The following COL5A2 variants were observed in gnomAD, a reference collection of about 807,000 sequenced individuals.
COL5A2 encodes the protein collagen alpha-2(V) chain.
In COL5A2, 23 loss-of-function variants were observed where a neutral mutation model predicts 208.2. The observed-to-expected ratio is 0.11, with a 90% confidence interval of 0.08 to 0.16. COL5A2 has a LOEUF of 0.16. Ranked by LOEUF, COL5A2 falls within the 10% of genes least tolerant of loss-of-function variation. The pLI, the probability that COL5A2 is intolerant of heterozygous loss-of-function variation, is 1.00. For missense variants in COL5A2, 1,590 were observed against 1,956.4 expected, an observed-to-expected ratio of 0.81 and a Z score of 3.53; for synonymous variants, 625 against 628.5, an observed-to-expected ratio of 0.99 and a Z score of 0.08.
At chr2:189,435,579 A>C in the COL5A2 span, among the ~76,000 whole-genome samples, 1 of 152,198 alleles carries the variant, frequency 6.6e-6, no homozygotes, top group Non-Finnish European at 1.5e-5. Flanking sequence ...TGAAAAAATG[A>C]TCACCATCAC....
chr2:189,246,019 T>C, the COL5A2 span, among the ~76,000 whole-genome samples: 1 of 152,222 alleles, frequency 6.6e-6, no homozygotes, highest in African/African-American at 2.4e-5. Context: ...TTGTTGACAT[T>C]GTCAATTTTA....
chr2:189,403,357 G>C, the COL5A2 span, among the ~76,000 whole-genome samples: 10 of 152,182 alleles, frequency 6.6e-5, no homozygotes, highest in Admixed American at 5.9e-4. Flanking sequence ...ATCTGCAAAT[G>C]GTGATACTTT....
chr2:189,037,903 T>C (rs1006871020), intron 51 of COL5A2, among the ~76,000 whole-genome samples: 3 of 152,218 alleles, frequency 2.0e-5, no homozygotes, highest in Non-Finnish European at 2.9e-5. Context: ...GCAAGCATTT[T>C]CCACATTTCC....
At chr2:189,298,646 A>G in the COL5A2 span, among the ~76,000 whole-genome samples, 3 of 152,334 alleles carry the variant, frequency 2.0e-5, no homozygotes, top group Middle Eastern at 0.01. Flanking sequence ...ACACTGGCTA[A>G]GCAGACATTC....
chr2:189,303,920 A>G, the COL5A2 span, among the ~76,000 whole-genome samples: 4 of 152,240 alleles, frequency 2.6e-5, no homozygotes, highest in East Asian at 7.7e-4. Context: ...TTCTTTGCTC[A>G]ATAAAACTCC....
At chr2:189,193,798 T>G (rs943054916) in intron 1 of COL5A2, among the ~76,000 whole-genome samples, 1 of 152,194 alleles carries the variant, frequency 6.6e-6, no homozygotes, top group Non-Finnish European at 1.5e-5. Flanking sequence ...GATTCTTCCT[T>G]TTCCAGCTAC....
chr2:189,295,093 G>A, the COL5A2 span, among the ~76,000 whole-genome samples: 1 of 152,134 alleles, frequency 6.6e-6, no homozygotes, highest in Admixed American at 6.5e-5. Context: ...ACAGGTGTGA[G>A]CCACCACACC....
chr2:189,088,867 T>G, intron 7 of COL5A2, 95 bp from the exon 8 acceptor site: 5 of 943,184 alleles, frequency 5.3e-6, no homozygotes, highest in African/African-American at 1.6e-5. Context: ...AGAATTCTTA[T>G]AGAATGACTC....
intron 1 of COL5A2, among the ~76,000 whole-genome samples, chr2:189,140,974 C>T (rs1687923400): frequency 6.6e-6 from 1 of 152,110 alleles, no homozygotes. Flanking sequence ...CTAAAATTTT[C>T]ACCTTGCCCA....
At chr2:189,245,481 AAT>A in the COL5A2 span, among the ~76,000 whole-genome samples, 7 of 123,610 alleles carry the variant, frequency 5.7e-5, no homozygotes, top group East Asian at 2.7e-4. Flanking sequence ...GTATACTCAA[AAT>A]TTTTTTTTTT....
Position 189,039,284 on chromosome 2 carries a change from C to A in COL5A2, c.3913G>T (p.Ala1305Ser), listed in dbSNP as rs372897632. The change falls in exon 51 of 54, where the codon GCA becomes TCA. Residue 1305 changes from alanine to serine, a missense_variant. Transcript: ENST00000374866. ...GCTGTCTACTCACCACTCTGCTTTG[C>A]GGAATGGCAAAGCTTTAGGTCATCA... ...TCDDLKLCHSAKQSGEYWIDP... is the reference protein window; with the variant it reads ...TCDDLKLCHSSKQSGEYWIDP... 1.9e-6 allele frequency: 3 copies of A among 1,613,902 alleles called. No homozygotes were observed. The highest frequency in any genetic ancestry group is 2.2e-5 in the South Asian group (2 of 91,076).
chr2:189,062,061 C>G (rs1184735340), intron 29 of COL5A2, among the ~76,000 whole-genome samples: 4 of 151,902 alleles, frequency 2.6e-5, no homozygotes, highest in Non-Finnish European at 5.9e-5. Flanking sequence ...TAAACTGCCC[C>G]ACCCCCCCAA....
chr2:189,085,037 G>T, intron 11 of COL5A2, 123 bp downstream of exon 11: 1 of 791,856 alleles, frequency 1.3e-6, no homozygotes, highest in Non-Finnish European at 2.1e-6. Context: ...TGTTTACATT[G>T]AATTTAATGC....
At chr2:189,230,843 T>C in the COL5A2 span, among the ~76,000 whole-genome samples, 1 of 151,956 alleles carries the variant, frequency 6.6e-6, no homozygotes, top group African/African-American at 2.4e-5. Flanking sequence ...CTTCTGGATA[T>C]TTATCCAAAA....
chr2:189,191,760 T>C (rs185554680), intron 1 of COL5A2, among the ~76,000 whole-genome samples: 20 of 152,322 alleles, frequency 1.3e-4, no homozygotes, highest in African/African-American at 3.6e-4. Flanking sequence ...TTTATCATTA[T>C]ACTTCAGAGT....
chr2:189,357,980 A>C, the COL5A2 span, among the ~76,000 whole-genome samples: 1 of 151,968 alleles, frequency 6.6e-6, no homozygotes, highest in African/African-American at 2.4e-5. Flanking sequence ...AGGGGAGGGA[A>C]AGCCCATGAC....
chr2:189,178,526 A>G (rs1688720919), intron 1 of COL5A2, among the ~76,000 whole-genome samples: 1 of 152,086 alleles, frequency 6.6e-6, no homozygotes, highest in Non-Finnish European at 1.5e-5. Flanking sequence ...ATTTTAAAGG[A>G]GTACATGTCT....
chr2:189,034,064 C>T lies in COL5A2; in HGVS notation c.*6G>A, dbSNP rs1576482732. On this transcript the variant is annotated 3_prime_UTR_variant, in exon 54 of 54. Transcript: ENST00000374866. ...GGTGCTCATTGTCGATGTGTCTTGG[C>T]TTACTTTACACAAAACAAACTGGCC... is the stretch of plus-strand genomic sequence containing the variant. 1.2e-6 allele frequency: 2 copies of T among 1,613,890 alleles called. No individual in the cohort carries two copies. The highest frequency in any genetic ancestry group is 3.3e-4 in the Middle Eastern group (2 of 6,058).
At chr2:189,256,092 G>T in the COL5A2 span, among the ~76,000 whole-genome samples, 2 of 152,164 alleles carry the variant, frequency 1.3e-5, no homozygotes, top group African/African-American at 4.8e-5. Flanking sequence ...TCCAGGCAGA[G>T]TACCTGGCAC....
Sources: gnomAD v4.1 joint callset for allele counts (sites outside exome capture counted in the v4.1 genomes callset) on GRCh38, gnomAD v4.1.1 for gene constraint, MANE v1.5 for transcripts, NCBI Gene and HGNC (gene_info 2026-07-23, HGNC 2026-07-21) for gene names.